FOXP4: variants seen among roughly 807,000 people sequenced by gnomAD.
FOXP4 encodes the protein forkhead box protein P4.
FOXP4 carries 25 observed loss-of-function variants against 82.6 expected under a neutral mutation model. The observed-to-expected ratio is 0.30, with a 90% CI of 0.22 to 0.42. FOXP4 has a LOEUF of 0.42. FOXP4 is among the 10% of genes least tolerant of loss of function. The pLI is 1.00. For synonymous variants in FOXP4, 415 were observed against 388.2 expected (o/e 1.07, Z -0.81); for missense variants, 785 against 900.9 (o/e 0.87, Z 1.65).
At chr6:41,572,044 C>G (rs982992862) in intron 2 of FOXP4, among the ~76,000 whole-genome samples, 8 of 152,300 alleles carry the variant, frequency 5.3e-5, no homozygotes, top group African/African-American at 1.9e-4. Context: ...TACTCAAAAT[C>G]CTTCAGCGAT....
chr6:41,561,624 C>T (rs780856368), intron 1 of FOXP4, among the ~76,000 whole-genome samples: 1 of 152,002 alleles, frequency 6.6e-6, no homozygotes, highest in Non-Finnish European at 1.5e-5. Flanking sequence ...GAAAGGAGGA[C>T]CTCTTGGAGC....
At position 41,598,879 on chromosome 6, in the gene FOXP4, G is replaced by A. The variant is rs780237631; in HGVS notation, c.1986G>A (p.Ser662=). ...TGGGCGCCCCTAACCCCAGCGCCTCGGGGCCTCCGGAAGACAGGGACCTGG... is the reference window on the plus strand; with the variant it reads ...TGGGCGCCCCTAACCCCAGCGCCTCAGGGCCTCCGGAAGACAGGGACCTGG... ...PPLGAPNPSA[S]GPPEDRDLEE... The change falls in exon 17 of 17, where the codon TCG becomes TCA. Residue 662 remains serine (S), a synonymous_variant. Transcript: ENST00000307972. The A allele has an allele frequency of 7.5e-6, 12 of 1,603,568 alleles. No individual in the cohort carries two copies. The highest frequency in any genetic ancestry group is 2.7e-5 in the African/African-American group (2 of 74,840).
chr6:41,596,061 C>G (rs866692612), intron 14 of FOXP4, among the ~76,000 whole-genome samples: 5 of 152,182 alleles, frequency 3.3e-5, no homozygotes, highest in South Asian at 2.1e-4. Flanking sequence ...CCACACCCAG[C>G]TAATTATTTT....
chr6:41,559,480 T>C (rs532476891), intron 1 of FOXP4, among the ~76,000 whole-genome samples: 6 of 152,304 alleles, frequency 3.9e-5, no homozygotes, highest in African/African-American at 1.4e-4. Flanking sequence ...TTTAGGAAAC[T>C]TGTTTTGAGG....
intron 1 of FOXP4, among the ~76,000 whole-genome samples, chr6:41,554,351 A>G (rs1051662670): frequency 2.0e-5 from 3 of 152,206 alleles, no homozygotes; most frequent in African/African-American, 7.2e-5. Flanking sequence ...CTCCTTTTGA[A>G]AAACCCAAGC....
chr6:41,562,674 G>A (rs767779361), intron 1 of FOXP4, among the ~76,000 whole-genome samples: 1 of 152,186 alleles, frequency 6.6e-6, no homozygotes, highest in East Asian at 1.9e-4. Context: ...TCCTTTGCAT[G>A]CATACACCCC....
chr6:41,580,970 T>G (rs1366883899), intron 3 of FOXP4, among the ~76,000 whole-genome samples: 1 of 152,168 alleles, frequency 6.6e-6, no homozygotes, highest in African/African-American at 2.4e-5. Flanking sequence ...TGAGGGGCCC[T>G]CCTTCCAGGC....
chr6:41,591,073 A>T lies in FOXP4; in HGVS notation c.1435-148A>T. On this transcript the variant is annotated intron_variant, in intron 12 of 16. Transcript: ENST00000307972. The surrounding 1 kb of genome is among the most constrained non-coding windows in gnomAD (Gnocchi z 4.2). ...TGAGGGGACCCACCAGCCACCACCCATCTTGTTATCCACACATTTCTGAGC... is the reference window on the plus strand; with the variant it reads ...TGAGGGGACCCACCAGCCACCACCCTTCTTGTTATCCACACATTTCTGAGC... 1 of 678,292 alleles carries T rather than the reference A, an allele frequency of 1.5e-6. No homozygotes were observed. Among genetic ancestry groups the T allele is most frequent in the South Asian group, 1.7e-5 (1 of 57,228 alleles). The allele number at this position is 678,292 out of a possible 1,614,324, so 42.0% of individuals were successfully genotyped here.
intron 1 of FOXP4, among the ~76,000 whole-genome samples, chr6:41,552,106 C>T (rs142783874): frequency 3.2e-4 from 48 of 152,300 alleles, no homozygotes; most frequent in Non-Finnish European, 6.5e-4. Flanking sequence ...CTTCCGTTCT[C>T]ATCTCCTCAG....
chr6:41,551,813 G>C lies in FOXP4; in HGVS notation c.-17+4946G>C, dbSNP rs146851394. ...CTTAGGGAATGGAGCCAGGGACTCA[G>C]TAGTTGTATCCATCCTACGAACACA... is the stretch of plus-strand genomic sequence containing the variant. On this transcript the variant is annotated intron_variant, in intron 1 of 16. Transcript: ENST00000307972. Among the ~76,000 whole-genome samples the C allele has an allele frequency of 8.7e-3, 1,325 of 152,314 alleles. 11 individuals are homozygous for C. Among genetic ancestry groups the C allele is most frequent in the Non-Finnish European group, 0.011 (772 of 68,032 alleles).
chr6:41,569,832 C>T (rs565411154), intron 2 of FOXP4, among the ~76,000 whole-genome samples: 1 of 152,152 alleles, frequency 6.6e-6, no homozygotes. Flanking sequence ...AATCCCATCC[C>T]GTTCACATCC....
intron 1 of FOXP4, among the ~76,000 whole-genome samples, chr6:41,563,644 C>T (rs538872378): frequency 1.3e-5 from 2 of 152,292 alleles, no homozygotes; most frequent in South Asian, 4.1e-4. Flanking sequence ...TCTCAATGTC[C>T]TCACCCTTAC....
At chr6:41,548,610 AG>A (rs2127297419) in intron 1 of FOXP4, 1 of 152,422 alleles carries the variant, frequency 6.6e-6, no homozygotes, top group African/African-American at 2.4e-5. Context: ...CACTTTCCAC[AG>A]AAAACCAGGG....
intron 2 of FOXP4, among the ~76,000 whole-genome samples, chr6:41,569,860 G>C (rs1000847515): frequency 6.6e-6 from 1 of 152,076 alleles, no homozygotes; most frequent in Non-Finnish European, 1.5e-5. Flanking sequence ...AGATTCAAAA[G>C]GGTTGGGGGG....
Position 41,546,431 on chromosome 6 carries a change from C to G in FOXP4, c.-453C>G, listed in dbSNP as rs1763616077. ...CCCCTCGGAGTCCGGAGCCCGCCGT[C>G]CCTGCGGACCGGACAGTGCGGCCGG... On this transcript the variant is annotated 5_prime_UTR_variant, in exon 1 of 17. Coordinates refer to ENST00000307972, the MANE Select transcript of FOXP4 (RefSeq NM_001012426.2). 1 of 150,902 alleles carries G rather than the reference C, an allele frequency of 6.6e-6. No homozygotes were observed. The highest frequency in any genetic ancestry group is 6.6e-5 in the Admixed American group (1 of 15,132). 9.3% of individuals were successfully genotyped at this position (150,902 alleles called of 1,614,324 possible).
At chr6:41,562,593 C>T (rs1764648427) in intron 1 of FOXP4, among the ~76,000 whole-genome samples, 1 of 152,170 alleles carries the variant, frequency 6.6e-6, no homozygotes, top group Non-Finnish European at 1.5e-5. Flanking sequence ...CTTTATGATA[C>T]TCCTTGAGTG....
intron 2 of FOXP4, among the ~76,000 whole-genome samples, chr6:41,566,783 T>C (rs1176145617): frequency 6.6e-6 from 1 of 152,178 alleles, no homozygotes; most frequent in Non-Finnish European, 1.5e-5. Context: ...GAATCACTGC[T>C]GGTGGTGCCG....
chr6:41,566,191 T>C (rs1189013870), intron 2 of FOXP4, among the ~76,000 whole-genome samples: 1 of 151,918 alleles, frequency 6.6e-6, no homozygotes, highest in Non-Finnish European at 1.5e-5. Context: ...GACTCGGAGG[T>C]CTGAGATCAT....
In FOXP4 at chr6:41,578,010, C is replaced by T. The variant is rs912342452; in HGVS notation, c.229C>T (p.Leu77=). 1 of 1,613,138 alleles carries T rather than the reference C, an allele frequency of 6.2e-7. No individual in the cohort carries two copies. The highest frequency in any genetic ancestry group is 8.5e-7 in the Non-Finnish European group (1 of 1,180,002). Residue 77 remains leucine (L), a synonymous_variant, in exon 3 of 17, where the codon CTG becomes TTG. Transcript: ENST00000307972. ...GGCTCTCCAAGTGGCCCGGCAGTTC[C>T]TGCTGCAGCAGGCCTCAGGCCTGAG... is the stretch of plus-strand genomic sequence containing the variant. ...QQALQVARQF[L]LQQASGLSSP...
Sources: allele counts gnomAD v4.1 joint callset (sites outside exome capture counted in the v4.1 genomes callset), GRCh38; gene constraint gnomAD v4.1.1; non-coding constraint Gnocchi (gnomAD v3.1); transcripts MANE v1.5; gene names NCBI Gene and HGNC (gene_info 2026-07-23, HGNC 2026-07-21).